The following NELL1 variants were observed in gnomAD, a reference collection of about 807,000 sequenced individuals.
The protein encoded by NELL1 is protein kinase C-binding protein NELL1.
In NELL1, 76 loss-of-function variants were observed where a neutral mutation model predicts 107.4. The ratio of observed to expected loss-of-function variants is 0.71; its 90% CI spans 0.59 to 0.86. The LOEUF (loss-of-function observed/expected upper bound fraction) is 0.86. NELL1 is among the 40% of genes least tolerant of loss of function. NELL1 has a pLI of 0.00. For missense variants in NELL1, 1,024 were observed against 1,005.5 expected (o/e 1.02, Z -0.25); for synonymous variants, 353 against 341.2 (o/e 1.03, Z -0.38).
intron 13 of NELL1, among the ~76,000 whole-genome samples, chr11:21,116,647 A>G (rs1034165061): frequency 6.6e-6 from 1 of 151,972 alleles, no homozygotes; most frequent in Non-Finnish European, 1.5e-5. Context: ...ATGTAGAGAT[A>G]ACTCCTTCCT....
At chr11:20,774,934 T>A (rs1194808245) in intron 2 of NELL1, among the ~76,000 whole-genome samples, 2 of 151,944 alleles carry the variant, frequency 1.3e-5, no homozygotes, top group African/African-American at 4.8e-5. Flanking sequence ...GGGTTGCTGG[T>A]CAGTTATTGC....
At chr11:21,142,902 G>A (rs1423469203) in intron 13 of NELL1, among the ~76,000 whole-genome samples, 6 of 152,182 alleles carry the variant, frequency 3.9e-5, no homozygotes, top group Admixed American at 1.3e-4. Flanking sequence ...TGAAACAGAC[G>A]CACGGTATGG....
chr11:21,157,113 G>A (rs1856257064), intron 13 of NELL1, among the ~76,000 whole-genome samples: 1 of 149,630 alleles, frequency 6.7e-6, no homozygotes, highest in Non-Finnish European at 1.5e-5. Flanking sequence ...AAAAATATGT[G>A]TATATATATA....
chr11:21,334,589 T>C (rs961937033), intron 14 of NELL1, among the ~76,000 whole-genome samples: 3 of 151,976 alleles, frequency 2.0e-5, no homozygotes, highest in Admixed American at 6.6e-5. Context: ...TCCCTCTCTC[T>C]TTCTTTCTAT....
chr11:21,442,269 C>G (rs958985936), intron 15 of NELL1, among the ~76,000 whole-genome samples: 7 of 152,034 alleles, frequency 4.6e-5, no homozygotes, highest in South Asian at 2.1e-4. Context: ...GATTCAGAAC[C>G]CTGCTCCTGG....
intron 12 of NELL1, among the ~76,000 whole-genome samples, chr11:21,041,835 A>G (rs947846516): frequency 7.2e-5 from 11 of 152,360 alleles, no homozygotes; most frequent in Admixed American, 7.2e-4. Context: ...ACAGTCGAAT[A>G]CAATTCAAAT....
intron 3 of NELL1, among the ~76,000 whole-genome samples, chr11:20,828,767 C>T (rs902007509): frequency 3.9e-5 from 6 of 152,136 alleles, no homozygotes; most frequent in Non-Finnish European, 8.8e-5. Context: ...CACTTTCTAT[C>T]TGTTCTTAAG....
chr11:20,925,813 G>A (rs1417550560), intron 7 of NELL1, among the ~76,000 whole-genome samples: 1 of 152,154 alleles, frequency 6.6e-6, no homozygotes, highest in Non-Finnish European at 1.5e-5. Context: ...AAAGCTTGGA[G>A]GAAGAGGATG....
intron 14 of NELL1, among the ~76,000 whole-genome samples, chr11:21,292,086 C>A (rs2133961155): frequency 6.6e-6 from 1 of 152,154 alleles, no homozygotes; most frequent in East Asian, 1.9e-4. Flanking sequence ...GGCAATGAGG[C>A]AAGAGAAAGA....
intron 13 of NELL1, among the ~76,000 whole-genome samples, chr11:21,194,843 A>C (rs964504749): frequency 6.6e-6 from 1 of 152,150 alleles, no homozygotes; most frequent in Non-Finnish European, 1.5e-5. Flanking sequence ...AAAGGTGCTT[A>C]GCACAGACCC....
intron 12 of NELL1, among the ~76,000 whole-genome samples, chr11:20,962,581 T>G (rs915986119): frequency 6.6e-6 from 1 of 152,230 alleles, no homozygotes; most frequent in African/African-American, 2.4e-5. Flanking sequence ...TTTGGGATTC[T>G]TTGATTCATT....
chr11:21,182,852 G>A (rs962611658), intron 13 of NELL1, among the ~76,000 whole-genome samples: 2 of 151,870 alleles, frequency 1.3e-5, no homozygotes, highest in South Asian at 2.1e-4. Context: ...TTGGGAAAAC[G>A]GCAAATGGGA....
At chr11:21,560,686 G>A (rs529878537) in intron 17 of NELL1, among the ~76,000 whole-genome samples, 1 of 152,086 alleles carries the variant, frequency 6.6e-6, no homozygotes, top group East Asian at 2.0e-4. Context: ...AGGTTGGTTG[G>A]GTGAGAGTTT....
At chr11:21,160,209 A>G (rs979533529) in intron 13 of NELL1, among the ~76,000 whole-genome samples, 5 of 152,190 alleles carry the variant, frequency 3.3e-5, no homozygotes, top group Non-Finnish European at 5.9e-5. Context: ...GGGTAATTTA[A>G]AGTATCAAAA....
chr11:21,434,336 A>T (rs1473834349), intron 15 of NELL1, among the ~76,000 whole-genome samples: 1 of 152,040 alleles, frequency 6.6e-6, no homozygotes, highest in East Asian at 1.9e-4. Flanking sequence ...TTTACATTTA[A>T]GTCTTTAATT....
At chr11:21,088,883 C>G (rs1854460168) in intron 12 of NELL1, among the ~76,000 whole-genome samples, 1 of 152,112 alleles carries the variant, frequency 6.6e-6, no homozygotes, top group Non-Finnish European at 1.5e-5. Flanking sequence ...TTGTTGGGGT[C>G]ATGGGGAATT....
At chr11:20,992,959 C>T (rs537889375) in intron 12 of NELL1, among the ~76,000 whole-genome samples, 9 of 151,930 alleles carry the variant, frequency 5.9e-5, no homozygotes, top group Admixed American at 2.6e-4. Context: ...GTGATCCGCC[C>T]GCCTTGGCCT....
At chr11:21,155,767 G>A (rs1230646241) in intron 13 of NELL1, among the ~76,000 whole-genome samples, 4 of 152,120 alleles carry the variant, frequency 2.6e-5, no homozygotes, top group Admixed American at 2.6e-4. Flanking sequence ...AAATGCTTGG[G>A]TGGAAGGAAA....
At chr11:21,431,512 C>T (rs73459549) in intron 15 of NELL1, among the ~76,000 whole-genome samples, 4,398 of 152,240 alleles carry the variant, frequency 0.029, 221 homozygotes, top group African/African-American at 0.098. Context: ...ATAGAAGACA[C>T]TCAAAAGTCA....
Sources: allele counts gnomAD v4.1 joint callset (sites outside exome capture counted in the v4.1 genomes callset), GRCh38; gene constraint gnomAD v4.1.1; transcripts MANE v1.5; gene names NCBI Gene and HGNC (gene_info 2026-07-23, HGNC 2026-07-21).